MIA2: variants seen among roughly 807,000 people sequenced by gnomAD.
MIA2 encodes melanoma inhibitory activity protein 2.
A neutral mutation model predicts 167.8 loss-of-function variants in MIA2; 127 were observed. The observed-to-expected ratio is 0.76, with a 90% CI of 0.66 to 0.88. The LOEUF (loss-of-function observed/expected upper bound fraction) is 0.88. Ranked by LOEUF, MIA2 falls within the 40% of genes least tolerant of loss-of-function variation. MIA2 has a pLI of 0.00. For missense variants in MIA2, 1,690 were observed against 1,624.7 expected (o/e 1.04, Z -0.69); for synonymous variants, 552 against 541.9 (o/e 1.02, Z -0.26).
chr14:39,318,766 C>T (rs571705505), intron 22 of MIA2, among the ~76,000 whole-genome samples: 1 of 152,134 alleles, frequency 6.6e-6, no homozygotes, highest in African/African-American at 2.4e-5. Flanking sequence ...ATGAGTGTCA[C>T]GTTACAATGG....
intron 9 of MIA2, among the ~76,000 whole-genome samples, chr14:39,280,585 T>C (rs550608648): frequency 3.3e-5 from 5 of 152,084 alleles, no homozygotes; most frequent in Admixed American, 6.5e-5. Context: ...ACAAAAAAAT[T>C]AGCCAAGTGT....
At chr14:39,237,197 TAC>T (rs2053789064) in intron 2 of MIA2, 142 bp downstream of exon 2, 2 of 907,514 alleles carry the variant, frequency 2.2e-6, no homozygotes, top group East Asian at 5.4e-5. Flanking sequence ...CACAGCTCAC[TAC>T]AACTTCCAGC....
chr14:39,281,215 G>A (rs1594969292), intron 9 of MIA2, among the ~76,000 whole-genome samples: 3 of 152,126 alleles, frequency 2.0e-5, no homozygotes, highest in Admixed American at 6.5e-5. Context: ...GTGAGCCACC[G>A]TGCTCTACCT....
At chr14:39,353,806 T>C (rs112389870), downstream of MIA2, among the ~76,000 whole-genome samples, 239 of 152,278 alleles carry the variant, frequency 1.6e-3, 3 homozygotes, top group African/African-American at 5.5e-3. Flanking sequence ...TGAGTGAGAA[T>C]ATGCGGTGTT....
At chr14:39,309,104 T>C (rs1020811625) in intron 18 of MIA2, among the ~76,000 whole-genome samples, 1 of 152,222 alleles carries the variant, frequency 6.6e-6, no homozygotes, top group African/African-American at 2.4e-5. Flanking sequence ...TTTTATAGCC[T>C]GAATCTGACC....
intron 6 of MIA2, among the ~76,000 whole-genome samples, chr14:39,255,756 A>C (rs1262808116): frequency 6.6e-6 from 1 of 152,250 alleles, no homozygotes; most frequent in East Asian, 1.9e-4. Flanking sequence ...TTCTATATAA[A>C]GTGCTTATTT....
chr14:39,362,689 G>C (rs2074713499), intron 23 of MIA2, among the ~76,000 whole-genome samples: 1 of 151,804 alleles, frequency 6.6e-6, no homozygotes, highest in Admixed American at 6.6e-5. Flanking sequence ...GTTTAGTTCT[G>C]CTCTGATCTT....
intron 6 of MIA2, among the ~76,000 whole-genome samples, chr14:39,272,308 C>T (rs541267479): frequency 1.8e-4 from 28 of 152,138 alleles, no homozygotes; most frequent in African/African-American, 6.5e-4. Context: ...GCTGAGATTG[C>T]GCCATTGCAC....
chr14:39,317,866 A>C, intron 21 of MIA2, 78 bp from the exon 22 acceptor site: 1 of 892,044 alleles, frequency 1.1e-6, no homozygotes, highest in Non-Finnish European at 1.6e-6. Flanking sequence ...AAATTTAATG[A>C]ATGTTTATAT....
chr14:39,258,104 G>A (rs767241668), intron 6 of MIA2, among the ~76,000 whole-genome samples: 1 of 152,138 alleles, frequency 6.6e-6, no homozygotes, highest in Non-Finnish European at 1.5e-5. Flanking sequence ...GGTGTTCTCT[G>A]TATTTCTTGA....
Position 39,289,846 on chromosome 14 carries a change from A to G in MIA2, c.2131-1173A>G, listed in dbSNP as rs1184964624. 2.6e-5 allele frequency among the ~76,000 whole-genome samples: 4 copies of G among 152,180 alleles called. 1 individual carries two copies. The highest frequency in any genetic ancestry group is 5.9e-5 in the Non-Finnish European group (4 of 68,030). ...AAGTTTGTTTCCTTATGCATGTTCT[A>G]GGAGAGAATCTGTGTCTTGTGTCTT... On this transcript the variant is annotated intron_variant, in intron 9 of 28. Transcript: ENST00000640607.
intron 3 of MIA2, among the ~76,000 whole-genome samples, chr14:39,246,082 T>TTTTATTTATTTA (rs71130832): frequency 0.13 from 18,534 of 143,256 alleles, 1,697 homozygotes; most frequent in East Asian, 0.48. Flanking sequence ...TTTTAAAAAT[T>TTTTATTTATTTA]TTTATTTATT....
At chr14:39,327,064 CTGG>C in intron 25 of MIA2, 42 bp downstream of exon 25, 1 of 1,400,200 alleles carries the variant, frequency 7.1e-7, no homozygotes, top group Non-Finnish European at 9.4e-7. Flanking sequence ...TGAAAGGCAG[CTGG>C]GATGTGGAAT....
At chr14:39,369,473 T>C (rs2074891258) in intron 23 of MIA2, among the ~76,000 whole-genome samples, 2 of 152,260 alleles carry the variant, frequency 1.3e-5, no homozygotes, top group Non-Finnish European at 2.9e-5. Context: ...GTGTATAGTA[T>C]AGGGTACACA....
At position 39,269,074 on chromosome 14, in the gene MIA2, G is replaced by GTTTTT. The variant is rs3065036; in HGVS notation, c.1888-7839_1888-7835dup. ...GGTGCGTTGTATCTTCACCTGCACA[G>GTTTTT]TTTTTTTTTTTTTTTTTTTTTTTTT... On this transcript the variant is annotated intron_variant, in intron 6 of 28. Coordinates refer to ENST00000640607, the MANE Select transcript of MIA2 (RefSeq NM_001329214.4). 2,494 of 582,330 alleles carry GTTTTT rather than the reference G, an allele frequency of 4.3e-3. 176 individuals are homozygous for GTTTTT. The highest frequency in any genetic ancestry group is 4.7e-3 in the Non-Finnish European group (2,315 of 496,344). The allele number at this position is 582,330 out of a possible 1,614,324, so 36.1% of individuals were successfully genotyped here.
intron 23 of MIA2, among the ~76,000 whole-genome samples, chr14:39,357,362 T>C (rs375087307): frequency 9.2e-5 from 14 of 152,238 alleles, no homozygotes; most frequent in East Asian, 1.9e-4. Flanking sequence ...TTATCAGAGA[T>C]TAGGATTGCA....
intron 6 of MIA2, among the ~76,000 whole-genome samples, chr14:39,264,017 G>T (rs186569451): frequency 2.0e-3 from 308 of 152,210 alleles, no homozygotes; most frequent in African/African-American, 7.1e-3. Flanking sequence ...ATTTCGTGAT[G>T]CTGAGATTTG....
chr14:39,365,879 A>G (rs2074811647), intron 23 of MIA2, among the ~76,000 whole-genome samples: 1 of 151,788 alleles, frequency 6.6e-6, no homozygotes, highest in Non-Finnish European at 1.5e-5. Context: ...GCTGTGTCAC[A>G]TTTTCTTTCT....
intron 9 of MIA2, among the ~76,000 whole-genome samples, chr14:39,287,101 T>G (rs2059927997): frequency 6.6e-6 from 1 of 151,706 alleles, no homozygotes; most frequent in Non-Finnish European, 1.5e-5. Context: ...TGAGACAAGG[T>G]CTCACTCTGT....
Sources: gnomAD v4.1 joint callset for allele counts (sites outside exome capture counted in the v4.1 genomes callset) on GRCh38, gnomAD v4.1.1 for gene constraint, MANE v1.5 for transcripts, NCBI Gene and HGNC (gene_info 2026-07-23, HGNC 2026-07-21) for gene names.